CSMD1: variants seen among roughly 807,000 people sequenced by gnomAD.
CSMD1 encodes the protein CUB and Sushi multiple domains 1, also known as CUB and sushi domain-containing protein 1.
Under a neutral mutation model 417.5 loss-of-function variants are expected in CSMD1, and 213 were observed. That is an observed-to-expected ratio of 0.51 (90% CI 0.46 to 0.57). CSMD1 has a LOEUF of 0.57. CSMD1 is among the 20% of genes least tolerant of loss of function. The probability of loss-of-function intolerance (pLI) is 0.00; values close to 1 mark genes in which losing one functional copy is unlikely to be tolerated. For synonymous variants in CSMD1, 2,862 were observed against 1,736.8 expected, an observed-to-expected ratio of 1.65 and a Z score of -16.11; for missense variants, 6,923 against 4,529.7, an observed-to-expected ratio of 1.53 and a Z score of -15.17.
intron 1 of CSMD1, among the ~76,000 whole-genome samples, chr8:4,914,583 G>GAAAAAAAAA (rs59293226): frequency 7.5e-6 from 1 of 133,684 alleles, no homozygotes. Flanking sequence ...CTCCCAAAAA[G>GAAAAAAAAA]AAAAAAAAAA....
At chr8:4,952,053 T>C (rs947134839) in intron 1 of CSMD1, among the ~76,000 whole-genome samples, 1 of 151,520 alleles carries the variant, frequency 6.6e-6, no homozygotes, top group Non-Finnish European at 1.5e-5. Context: ...AAATATATTT[T>C]ACACGTAATT....
intron 3 of CSMD1, among the ~76,000 whole-genome samples, chr8:4,301,454 A>T (rs11991875): frequency 6.6e-6 from 1 of 152,150 alleles, no homozygotes; most frequent in Non-Finnish European, 1.5e-5. Context: ...AACTCTTCAG[A>T]GACCAGAGTG....
chr8:4,670,754 A>G lies in CSMD1; in HGVS notation c.86-33196T>C, dbSNP rs138986524. The stretch of plus-strand genomic sequence containing the variant: ...TTGGCTCTAAGTGGTTGAGAAATAC[A>G]AGTACACAAAAATTTATAATATAAA... On this transcript the variant is annotated intron_variant, in intron 1 of 69. Transcript: ENST00000635120. 2.6e-5 allele frequency among the ~76,000 whole-genome samples: 4 copies of G among 152,344 alleles called. No homozygotes were observed. In the East Asian group the frequency reaches 7.7e-4, roughly 29 times the overall value.
At chr8:4,107,196 A>G (rs1801612663) in intron 3 of CSMD1, among the ~76,000 whole-genome samples, 1 of 152,206 alleles carries the variant, frequency 6.6e-6, no homozygotes, top group African/African-American at 2.4e-5. Context: ...AAGGCTGAAA[A>G]ACACTTGCAC....
intron 5 of CSMD1, among the ~76,000 whole-genome samples, chr8:3,986,809 G>T (rs1400785815): frequency 6.6e-6 from 1 of 151,992 alleles, no homozygotes; most frequent in Non-Finnish European, 1.5e-5. Context: ...AGGCTGGAAT[G>T]CAGTGATGCG....
chr8:4,397,604 A>C (rs1256153796), intron 3 of CSMD1, among the ~76,000 whole-genome samples: 2 of 133,160 alleles, frequency 1.5e-5, no homozygotes, highest in African/African-American at 5.7e-5. Flanking sequence ...CCTGAGATTC[A>C]CTTTTATTTG....
chr8:4,310,145 C>G lies in CSMD1; in HGVS notation c.415+109808G>C, dbSNP rs1026290842. 3.9e-5 allele frequency among the ~76,000 whole-genome samples: 6 copies of G among 152,156 alleles called. No homozygotes were observed. The South Asian group carries it at 1.0e-3, about 26-fold the overall frequency. ...ATCCCTGCTCCTAGTAACTGCTTCA[C>G]GTTTCTAACACCCAGGTATTGCATC... On this transcript the variant is annotated intron_variant, in intron 3 of 69. Transcript: ENST00000635120.
chr8:4,087,593 C>G (rs536621500), intron 3 of CSMD1, among the ~76,000 whole-genome samples: 2 of 152,172 alleles, frequency 1.3e-5, no homozygotes, highest in East Asian at 1.9e-4. Flanking sequence ...ATCTGTCTAA[C>G]TTTCTGTCTC....
chr8:3,004,773 G>A (rs927243864), intron 52 of CSMD1, among the ~76,000 whole-genome samples: 1 of 152,136 alleles, frequency 6.6e-6, no homozygotes, highest in Non-Finnish European at 1.5e-5. Flanking sequence ...AACCAGTAAC[G>A]GAACCAAGAA....
At chr8:4,965,948 G>T (rs1809829699) in intron 1 of CSMD1, among the ~76,000 whole-genome samples, 1 of 152,144 alleles carries the variant, frequency 6.6e-6, no homozygotes, top group South Asian at 2.1e-4. Context: ...CTCTCAACAT[G>T]TGTGAGCATA....
rs77061058 is a variant in CSMD1, at chr8:4,169,446, G to C, written c.416-137347C>G. The stretch of plus-strand genomic sequence containing the variant: ...CATCCCACCTTTAATCTTTCAGCTA[G>C]TTTTCTTCAACATATCCCAAATCTG... On this transcript the variant is annotated intron_variant, in intron 3 of 69. Transcript: ENST00000635120. Among the ~76,000 whole-genome samples the C allele has an allele frequency of 8.9e-3, 1,356 of 152,140 alleles. 59 individuals carry two copies. In the East Asian group the frequency reaches 0.1, roughly 12 times the overall value.
chr8:4,908,580 GT>G (rs1240139567), intron 1 of CSMD1, among the ~76,000 whole-genome samples: 1 of 150,644 alleles, frequency 6.6e-6, no homozygotes, highest in Non-Finnish European at 1.5e-5. Context: ...TCATTTCAAT[GT>G]AGAGAGTTTT....
At chr8:3,741,639 C>G (rs1584931272) in intron 6 of CSMD1, among the ~76,000 whole-genome samples, 1 of 152,148 alleles carries the variant, frequency 6.6e-6, no homozygotes, top group Non-Finnish European at 1.5e-5. Context: ...TAACTTCTAG[C>G]AAAACTGAAA....
intron 3 of CSMD1, among the ~76,000 whole-genome samples, chr8:4,309,623 T>G (rs1798447972): frequency 6.6e-6 from 1 of 152,124 alleles, no homozygotes; most frequent in Non-Finnish European, 1.5e-5. Context: ...TACAACTCCC[T>G]TGGGAAGGGG....
At chr8:3,950,874 A>G (rs962134268) in intron 5 of CSMD1, among the ~76,000 whole-genome samples, 1 of 152,090 alleles carries the variant, frequency 6.6e-6, no homozygotes, top group African/African-American at 2.4e-5. Context: ...ATTTCATTTT[A>G]TTTCTCTTTC....
At position 2,956,948 on chromosome 8, in the gene CSMD1, A is replaced by G. The variant is rs554717852; in HGVS notation, c.9814+748T>C. 1.5e-4 allele frequency among the ~76,000 whole-genome samples: 23 copies of G among 152,276 alleles called. No individual in the cohort carries two copies. The South Asian group carries it at 4.8e-3, about 32-fold the overall frequency. ...TATAATTTGAGTAATGATTTAGAGC[A>G]GAGATAATTTTAAAATAAATACACC... is the stretch of plus-strand genomic sequence containing the variant. On this transcript the variant is annotated intron_variant, in intron 63 of 69. Transcript: ENST00000635120.
At chr8:4,656,546 A>G (rs1349262422) in intron 1 of CSMD1, among the ~76,000 whole-genome samples, 1 of 152,030 alleles carries the variant, frequency 6.6e-6, no homozygotes. Flanking sequence ...TTCAAATCTG[A>G]TGCCATATTC....
At chr8:4,248,573 C>G (rs1802852467) in intron 3 of CSMD1, among the ~76,000 whole-genome samples, 1 of 152,186 alleles carries the variant, frequency 6.6e-6, no homozygotes, top group Admixed American at 6.5e-5. Flanking sequence ...GGCTAACTCT[C>G]TCACCTCCTT....
At chr8:3,868,912 C>G (rs190811168) in intron 5 of CSMD1, among the ~76,000 whole-genome samples, 4 of 152,330 alleles carry the variant, frequency 2.6e-5, no homozygotes, top group African/African-American at 9.6e-5. Context: ...TTTCCAACAT[C>G]CTCCCTGGCT....
Sources: gnomAD v4.1 joint callset for allele counts (sites outside exome capture counted in the v4.1 genomes callset) on GRCh38, gnomAD v4.1.1 for gene constraint, MANE v1.5 for transcripts, NCBI Gene and HGNC (gene_info 2026-07-23, HGNC 2026-07-21) for gene names.